The following LRMDA variants were observed in gnomAD, a reference collection of about 807,000 sequenced individuals.
LRMDA encodes leucine rich melanocyte differentiation associated, also known as leucine-rich melanocyte differentiation-associated protein.
LRMDA carries 18 observed loss-of-function variants against 29.8 expected under a neutral mutation model. The observed-to-expected ratio is 0.60, with a 90% CI of 0.42 to 0.90. The LOEUF (loss-of-function observed/expected upper bound fraction) is 0.90. LRMDA is among the 40% of genes least tolerant of loss of function. LRMDA has a pLI of 0.00. For synonymous variants in LRMDA, 125 were observed against 109.4 expected (o/e 1.14, Z -0.89); for missense variants, 273 against 273.9 (o/e 1.00, Z 0.02).
At chr10:76,133,712 C>T (rs1398014356) in intron 5 of LRMDA, among the ~76,000 whole-genome samples, 2 of 152,224 alleles carry the variant, frequency 1.3e-5, no homozygotes, top group Admixed American at 6.5e-5. Context: ...ATCAATTACT[C>T]GACGACATGT....
intron 2 of LRMDA, among the ~76,000 whole-genome samples, chr10:75,782,248 G>A (rs944652390): frequency 1.3e-5 from 2 of 152,052 alleles, no homozygotes; most frequent in African/African-American, 4.8e-5. Flanking sequence ...ATAAAAACAA[G>A]CAAAATAATC....
chr10:75,951,936 G>A (rs538345277), intron 2 of LRMDA, among the ~76,000 whole-genome samples: 13 of 152,340 alleles, frequency 8.5e-5, no homozygotes, highest in African/African-American at 3.1e-4. Context: ...GGAGGCCACG[G>A]TGGTGGCGGC....
chr10:75,630,941 A>G (rs1841314032), intron 2 of LRMDA, among the ~76,000 whole-genome samples: 1 of 152,154 alleles, frequency 6.6e-6, no homozygotes, highest in Admixed American at 6.5e-5. Flanking sequence ...GTGGATATAA[A>G]CATGGTCTGT....
chr10:76,047,315 G>A lies in LRMDA; in HGVS notation c.398+12G>A. 6.3e-7 allele frequency: 1 copy of A among 1,598,450 alleles called. No individual in the cohort carries two copies. The highest frequency in any genetic ancestry group is 8.5e-7 in the Non-Finnish European group (1 of 1,172,962). On this transcript the variant is annotated intron_variant, in intron 4 of 6. Transcript: ENST00000611255. ...TACAAGAGATACAGGTGAGTGTCCA[G>A]GGGTTGGACCATGGTGGGAAAAGGG...
chr10:75,854,567 T>C (rs1844789919), intron 2 of LRMDA, among the ~76,000 whole-genome samples: 1 of 152,100 alleles, frequency 6.6e-6, no homozygotes, highest in Non-Finnish European at 1.5e-5. Flanking sequence ...ATTTATTTAT[T>C]TATTTATGTT....
chr10:76,408,746 A>G (rs957349018), intron 6 of LRMDA, among the ~76,000 whole-genome samples: 1 of 152,068 alleles, frequency 6.6e-6, no homozygotes, highest in South Asian at 2.1e-4. Flanking sequence ...GACTCCTGCT[A>G]CATTGCTCAA....
chr10:75,965,777 G>A (rs1257541312), intron 2 of LRMDA, among the ~76,000 whole-genome samples: 1 of 152,136 alleles, frequency 6.6e-6, no homozygotes, highest in Non-Finnish European at 1.5e-5. Context: ...TAGTGAAACA[G>A]AAATCCAGAA....
At chr10:75,765,347 C>A (rs1387313411) in intron 2 of LRMDA, among the ~76,000 whole-genome samples, 1 of 151,944 alleles carries the variant, frequency 6.6e-6, no homozygotes, top group African/African-American at 2.4e-5. Context: ...ATTGAGAGTG[C>A]TCAGGGTTTC....
chr10:75,942,889 G>T (rs573863737), intron 2 of LRMDA, among the ~76,000 whole-genome samples: 1 of 152,250 alleles, frequency 6.6e-6, no homozygotes, highest in South Asian at 2.1e-4. Flanking sequence ...TTTGTTTGAA[G>T]TCCTATCATC....
At chr10:75,902,798 G>T (rs1819750194) in intron 2 of LRMDA, among the ~76,000 whole-genome samples, 1 of 152,152 alleles carries the variant, frequency 6.6e-6, no homozygotes, top group South Asian at 2.1e-4. Flanking sequence ...AGATCCTGTG[G>T]CAGTGAGGAG....
chr10:76,325,205 G>A (rs1157873449), intron 6 of LRMDA, among the ~76,000 whole-genome samples: 1 of 152,194 alleles, frequency 6.6e-6, no homozygotes, highest in Non-Finnish European at 1.5e-5. Flanking sequence ...CAGCATTGCA[G>A]GATGAGCAGG....
At chr10:76,023,530 G>C (rs1012173564) in intron 2 of LRMDA, among the ~76,000 whole-genome samples, 1 of 152,148 alleles carries the variant, frequency 6.6e-6, no homozygotes, top group African/African-American at 2.4e-5. Context: ...AAAACTTTGC[G>C]AGTTTTCATC....
chr10:75,792,021 G>A (rs1351283530), intron 2 of LRMDA, among the ~76,000 whole-genome samples: 8 of 151,550 alleles, frequency 5.3e-5, no homozygotes, highest in Non-Finnish European at 7.4e-5. Flanking sequence ...CACCACGCCC[G>A]GCTAATTTTT....
At chr10:75,894,157 T>C (rs2132356688) in intron 2 of LRMDA, among the ~76,000 whole-genome samples, 1 of 152,252 alleles carries the variant, frequency 6.6e-6, no homozygotes, top group Middle Eastern at 3.4e-3. Flanking sequence ...CATCCTATTG[T>C]AGTCTTTTAT....
intron 6 of LRMDA, among the ~76,000 whole-genome samples, chr10:76,482,847 G>A (rs1215499697): frequency 6.6e-6 from 1 of 151,928 alleles, no homozygotes; most frequent in Admixed American, 6.6e-5. Flanking sequence ...TACCAATTCA[G>A]CAGCATATGA....
At chr10:75,676,960 G>T (rs1374187019) in intron 2 of LRMDA, among the ~76,000 whole-genome samples, 2 of 152,084 alleles carry the variant, frequency 1.3e-5, no homozygotes, top group Admixed American at 1.3e-4. Flanking sequence ...GTACCACCAG[G>T]TCTACCCTTA....
chr10:75,988,757 C>T (rs747186264), intron 2 of LRMDA, among the ~76,000 whole-genome samples: 4 of 152,162 alleles, frequency 2.6e-5, no homozygotes, highest in African/African-American at 4.8e-5. Context: ...GGAGACCTTG[C>T]CCTCCCCTTG....
At chr10:76,428,652 T>C (rs2132280677) in intron 6 of LRMDA, among the ~76,000 whole-genome samples, 1 of 151,796 alleles carries the variant, frequency 6.6e-6, no homozygotes, top group Middle Eastern at 3.4e-3. Flanking sequence ...ACAGTGGGGG[T>C]GAATGAGGAG....
chr10:75,728,226 C>G lies in LRMDA; in HGVS notation c.131+289732C>G, dbSNP rs554018322. ...CCATGACACTAAACTGCATAATCTT[C>G]CTCCTAAACACACAGCATCTCTAGC... On this transcript the variant is annotated intron_variant, in intron 2 of 6. Coordinates refer to ENST00000611255, the MANE Select transcript of LRMDA (RefSeq NM_001305581.2). Among the ~76,000 whole-genome samples the G allele has an allele frequency of 1.8e-3, 268 of 152,222 alleles. 1 individual carries two copies. Among genetic ancestry groups the G allele is most frequent in the Non-Finnish European group, 3.2e-3 (218 of 68,022 alleles).
Sources: gnomAD v4.1 joint callset for allele counts (sites outside exome capture counted in the v4.1 genomes callset) on GRCh38, gnomAD v4.1.1 for gene constraint, MANE v1.5 for transcripts, NCBI Gene and HGNC (gene_info 2026-07-23, HGNC 2026-07-21) for gene names.